IQGAP2: variants seen among roughly 807,000 people sequenced by gnomAD.
The protein encoded by IQGAP2 is ras GTPase-activating-like protein IQGAP2.
IQGAP2 carries 173 observed loss-of-function variants against 201.3 expected under a neutral mutation model. The observed-to-expected ratio is 0.86, with a 90% CI of 0.76 to 0.98. IQGAP2 has a LOEUF of 0.98. IQGAP2 is among the 50% of genes least tolerant of loss of function. The pLI, the probability that IQGAP2 is intolerant of heterozygous loss-of-function variation, is 0.00. For missense variants in IQGAP2, 1,687 were observed against 1,864.8 expected, an observed-to-expected ratio of 0.90 and a Z score of 1.76; for synonymous variants, 675 against 673.9, an observed-to-expected ratio of 1.00 and a Z score of -0.03.
intron 1 of IQGAP2, among the ~76,000 whole-genome samples, chr5:76,423,345 G>A (rs1035492935): frequency 2.6e-5 from 4 of 152,158 alleles, no homozygotes; most frequent in Admixed American, 1.3e-4. Flanking sequence ...TTGGTCGACC[G>A]GGCTTGGTGG....
intron 18 of IQGAP2, among the ~76,000 whole-genome samples, chr5:76,653,363 C>G (rs1752666097): frequency 6.6e-6 from 1 of 150,658 alleles, no homozygotes; most frequent in African/African-American, 2.4e-5. Flanking sequence ...GGACAAAAAT[C>G]AACTTGGAAA....
chr5:76,618,679 T>A, intron 13 of IQGAP2: 1 of 1,465,834 alleles, frequency 6.8e-7, no homozygotes, highest in East Asian at 2.3e-5. Context: ...AAATGTATAG[T>A]TCAAGAGAAA....
At chr5:76,406,811 A>C (rs1483215554) in intron 1 of IQGAP2, among the ~76,000 whole-genome samples, 1 of 132,104 alleles carries the variant, frequency 7.6e-6, no homozygotes, top group Non-Finnish European at 1.7e-5. Context: ...CATAGGCAAG[A>C]ACTGTGGTTT....
At chr5:76,693,894 T>C (rs1392181379) in intron 31 of IQGAP2, 1 of 153,372 alleles carries the variant, frequency 6.5e-6, no homozygotes, top group Non-Finnish European at 1.5e-5. Flanking sequence ...AAAGCATCAT[T>C]ATGTTAGCGT....
At chr5:76,560,776 G>A (rs1022843883) in intron 2 of IQGAP2, among the ~76,000 whole-genome samples, 2 of 152,098 alleles carry the variant, frequency 1.3e-5, no homozygotes, top group African/African-American at 4.8e-5. Flanking sequence ...CAAGGCTTAT[G>A]TTTATATTTT....
At chr5:76,452,692 C>CA (rs1219988575) in intron 1 of IQGAP2, among the ~76,000 whole-genome samples, 1 of 152,110 alleles carries the variant, frequency 6.6e-6, no homozygotes, top group Non-Finnish European at 1.5e-5. Flanking sequence ...TCAGAAAAGC[C>CA]TAATGGCTGC....
chr5:76,594,722 T>G (rs1203943774), intron 9 of IQGAP2, among the ~76,000 whole-genome samples: 1 of 152,132 alleles, frequency 6.6e-6, no homozygotes, highest in African/African-American at 2.4e-5. Context: ...ATCCCAGCAC[T>G]TTGGGAGGCT....
chr5:76,573,685 C>G (rs1745273579), intron 4 of IQGAP2, among the ~76,000 whole-genome samples: 1 of 152,144 alleles, frequency 6.6e-6, no homozygotes, highest in African/African-American at 2.4e-5. Context: ...CATCTCGGCT[C>G]ACTGCAATCT....
At chr5:76,662,550 C>T (rs1046934713) in intron 21 of IQGAP2, among the ~76,000 whole-genome samples, 2 of 152,148 alleles carry the variant, frequency 1.3e-5, no homozygotes, top group Non-Finnish European at 2.9e-5. Flanking sequence ...ACTTTCCTGT[C>T]GTATATTTAA....
chr5:76,639,836 C>T (rs1416139984), intron 16 of IQGAP2, among the ~76,000 whole-genome samples: 1 of 152,110 alleles, frequency 6.6e-6, no homozygotes, highest in Non-Finnish European at 1.5e-5. Flanking sequence ...GGTCGTACAA[C>T]TTTTAGGAAA....
rs1453750367 is a variant in IQGAP2, at chr5:76,693,431, A to G, written c.3982A>G (p.Thr1328Ala). 6.2e-6 allele frequency: 10 copies of G among 1,607,138 alleles called. No individual in the cohort carries two copies. The highest frequency in any genetic ancestry group is 1.3e-5 in the African/African-American group (1 of 74,766). The change falls in exon 31 of 36, where the codon ACT (threonine) becomes GCT (alanine). Residue 1328 changes from threonine (T) to alanine (A), a missense_variant. Thr to Ala is a moderately conservative substitution (Grantham distance 58). Transcript: ENST00000274364. ...GACAGAAATCTTAGAGACACCAGCA[A>G]CTGCGCAACAGGTAATTTGACTTTA... is the stretch of plus-strand genomic sequence containing the variant. The part of the protein sequence containing the change: ...TLTEILETPA[T>A]AQQEVDHATD...
intron 2 of IQGAP2, among the ~76,000 whole-genome samples, chr5:76,551,003 C>G (rs1342213887): frequency 2.7e-5 from 4 of 150,904 alleles, no homozygotes; most frequent in Non-Finnish European, 5.9e-5. Context: ...ACCTCCCTCC[C>G]GGACGGGGGT....
intron 1 of IQGAP2, among the ~76,000 whole-genome samples, chr5:76,432,928 G>T (rs904595644): frequency 6.6e-6 from 1 of 152,066 alleles, no homozygotes; most frequent in Non-Finnish European, 1.5e-5. Context: ...TATTTCCCCT[G>T]CTCCCTCCTT....
chr5:76,659,778 T>C (rs1011947067), intron 21 of IQGAP2, among the ~76,000 whole-genome samples: 13 of 152,168 alleles, frequency 8.5e-5, no homozygotes, highest in Non-Finnish European at 1.5e-4. Flanking sequence ...AAGAGTGCCC[T>C]TCAATTGTTA....
intron 13 of IQGAP2, among the ~76,000 whole-genome samples, chr5:76,620,804 A>AAGAAGT (rs1238764863): frequency 3.3e-5 from 5 of 152,326 alleles, no homozygotes; most frequent in Admixed American, 2.6e-4. Context: ...ATGAGGACCT[A>AAGAAGT]AGAAGTTGGA....
intron 15 of IQGAP2, among the ~76,000 whole-genome samples, chr5:76,633,587 A>G (rs146244730): frequency 6.6e-6 from 1 of 152,288 alleles, no homozygotes; most frequent in African/African-American, 2.4e-5. Flanking sequence ...GTATGTAATT[A>G]AGAGGTTTTT....
chr5:76,684,116 A>C (rs1164987412), intron 30 of IQGAP2, among the ~76,000 whole-genome samples, 199 bp downstream of exon 30: 1 of 152,250 alleles, frequency 6.6e-6, no homozygotes, highest in African/African-American at 2.4e-5. Context: ...AATAGTTTAC[A>C]ACACCTTCCT....
intron 13 of IQGAP2, chr5:76,623,240 C>T (rs1749886132): frequency 6.2e-7 from 1 of 1,614,110 alleles, no homozygotes; most frequent in African/African-American, 1.3e-5. Context: ...TTTTGATGAC[C>T]TGAGTCCCGT....
rs753686611 is a variant in IQGAP2, at chr5:76,671,946, TGG to T, written c.3033_3034del (p.Trp1011CysfsTer17). ...NTNPVEVYKA[W>X]VNQLETQTGE... ...AAACCCTGTAGAGGTGTACAAGGCT[TGG>T]GTGAACCAACTAGAAACACAGACTG... On this transcript the variant is annotated frameshift_variant, in exon 24 of 36. Coordinates refer to ENST00000274364, the MANE Select transcript of IQGAP2 (RefSeq NM_006633.5). LOFTEE classifies it high-confidence loss of function. The T allele has an allele frequency of 6.2e-7, 1 of 1,614,094 alleles. No individual in the cohort carries two copies. Among genetic ancestry groups the T allele is most frequent in the East Asian group, 2.2e-5 (1 of 44,870 alleles).
Sources: gnomAD v4.1 joint callset for allele counts (sites outside exome capture counted in the v4.1 genomes callset) on GRCh38, gnomAD v4.1.1 for gene constraint, MANE v1.5 for transcripts, NCBI Gene and HGNC (gene_info 2026-07-23, HGNC 2026-07-21) for gene names.